GLIPR1: variants seen among roughly 807,000 people sequenced by gnomAD.
GLIPR1 encodes the protein glioma pathogenesis-related protein 1.
In GLIPR1, 38 loss-of-function variants were observed where a neutral mutation model predicts 30.3. That is an observed-to-expected ratio of 1.26 (90% CI 0.97 to 1.65). GLIPR1 has a LOEUF of 1.65. Ranked by LOEUF, GLIPR1 falls within the 40% of genes most tolerant of loss-of-function variation. The pLI is 0.00. For synonymous variants in GLIPR1, 122 were observed against 110.6 expected (o/e 1.10, Z -0.65); for missense variants, 285 against 326.5 (o/e 0.87, Z 0.98).
rs1232573452 is a variant in GLIPR1, at chr12:75,502,931, GATC to G, written c.*3959_*3961del. The stretch of plus-strand genomic sequence containing the variant: ...AAAACTTCCATTGTTTTTTCACTAT[GATC>G]ATCATTTTCCCCGTCAATCACAAAT... On this transcript the variant is annotated 3_prime_UTR_variant, in exon 6 of 6. Transcript: ENST00000266659. The G allele has an allele frequency of 6.6e-6, 1 of 151,914 alleles. No individual in the cohort carries two copies. Among genetic ancestry groups the G allele is most frequent in the African/African-American group, 2.4e-5 (1 of 41,374 alleles). The allele number at this position is 151,914 out of a possible 1,614,324, so 9.4% of individuals were successfully genotyped here.
At chr12:75,494,505 A>G (rs930015710) in intron 3 of GLIPR1, 8 of 152,204 alleles carry the variant, frequency 5.3e-5, no homozygotes, top group African/African-American at 1.9e-4. Flanking sequence ...AGATCTTAAT[A>G]GAGAAGCACA....
intron 3 of GLIPR1, chr12:75,495,268 A>G (rs2046343617): frequency 4.4e-6 from 1 of 225,240 alleles, no homozygotes; most frequent in East Asian, 9.6e-5. Context: ...TGAAGTGTAT[A>G]AATTGTGATT....
intron 4 of GLIPR1, chr12:75,497,678 G>A (rs2046359555): frequency 6.6e-6 from 1 of 152,112 alleles, no homozygotes; most frequent in Non-Finnish European, 1.5e-5. Context: ...TTCCTTCTCA[G>A]ACAAATTATG....
In GLIPR1 at chr12:75,496,008, TG is replaced by T. The variant is rs1455873473; in HGVS notation, c.619+347del. 5.9e-3 allele frequency: 457 copies of T among 77,740 alleles called. 9 individuals are homozygous for T. Among genetic ancestry groups the T allele is most frequent in the African/African-American group, 0.012 (317 of 25,374 alleles). The allele number at this position is 77,740 out of a possible 1,614,324, so 4.8% of individuals were successfully genotyped here. A position where few individuals can be genotyped will look rare whatever the true frequency, so the allele number is the denominator to read the frequency against. ...AGAATTCTGTTTTCGTTTTTTTTTT[TG>T]TTTTTTTTTTTTGAGACAGAGTCTT... On this transcript the variant is annotated intron_variant, in intron 4 of 5. Coordinates refer to ENST00000266659, the MANE Select transcript of GLIPR1 (RefSeq NM_006851.3).
At position 75,499,719 on chromosome 12, in the gene GLIPR1, G is replaced by T; in HGVS notation, c.*741G>T. 3.3e-6 allele frequency: 3 copies of T among 912,914 alleles called. No homozygotes were observed. The highest frequency in any genetic ancestry group is 3.1e-6 in the Non-Finnish European group (2 of 643,100). 56.6% of individuals were successfully genotyped at this position (912,914 alleles called of 1,614,324 possible). A position where few individuals can be genotyped will look rare whatever the true frequency, so the allele number is the denominator to read the frequency against. On this transcript the variant is annotated 3_prime_UTR_variant, in exon 6 of 6. Coordinates refer to ENST00000266659, the MANE Select transcript of GLIPR1 (RefSeq NM_006851.3). The stretch of plus-strand genomic sequence containing the variant: ...CCACCAAAAAAAAAAAAAGCCCTCA[G>T]AAAATTTCTCACAAATAAGGCAACT...
intron 4 of GLIPR1, 191 bp downstream of exon 4, chr12:75,495,853 C>A: frequency 4.9e-6 from 2 of 411,492 alleles, no homozygotes. Flanking sequence ...AAATCACGTT[C>A]TTTTTATTTA....
chr12:75,490,555 C>CT (rs2046316594), intron 3 of GLIPR1, 37 bp downstream of exon 3: 1 of 134,546 alleles, frequency 7.4e-6, no homozygotes, highest in East Asian at 2.2e-4. Flanking sequence ...AGGAAACGCC[C>CT]CCCCCCCCCC....
intron 3 of GLIPR1, chr12:75,491,503 C>T (rs953666470): frequency 6.6e-6 from 1 of 152,186 alleles, no homozygotes; most frequent in African/African-American, 2.4e-5. Context: ...ACTTCTATTT[C>T]CCTATAATTC....
At position 75,499,890 on chromosome 12, in the gene GLIPR1, A is replaced by ATTCTT. The variant is rs756063565; in HGVS notation, c.*914_*918dup. The ATTCTT allele has an allele frequency of 6.2e-7, 1 of 1,609,640 alleles. No individual in the cohort carries two copies. Among genetic ancestry groups the ATTCTT allele is most frequent in the African/African-American group, 1.3e-5 (1 of 74,750 alleles). ...CAGCTGTAAGAGCTCCCAGTTTCTT[A>ATTCTT]TTCTTTGCTTTCTTAACCTTTTCCT... On this transcript the variant is annotated 3_prime_UTR_variant, in exon 6 of 6. Coordinates refer to ENST00000266659, the MANE Select transcript of GLIPR1 (RefSeq NM_006851.3).
chr12:75,487,595 T>C (rs1356249236), intron 2 of GLIPR1: 1 of 341,982 alleles, frequency 2.9e-6, no homozygotes, highest in African/African-American at 2.1e-5. Context: ...CCCTCTCCAG[T>C]TGCCAAACCA....
Position 75,502,188 on chromosome 12 carries a change from A to G in GLIPR1, c.*3210A>G, listed in dbSNP as rs1420342007. On this transcript the variant is annotated 3_prime_UTR_variant, in exon 6 of 6. Coordinates refer to ENST00000266659, the MANE Select transcript of GLIPR1 (RefSeq NM_006851.3). The stretch of plus-strand genomic sequence containing the variant: ...ACATACACAAAAGTGTGGAGGTAGG[A>G]AAGCACCTCCATGGAATACAACCCA... 3.6e-6 allele frequency: 2 copies of G among 551,770 alleles called. No individual in the cohort carries two copies. Among genetic ancestry groups the G allele is most frequent in the Non-Finnish European group, 6.4e-6 (2 of 311,066 alleles). The allele number at this position is 551,770 out of a possible 1,614,324, so 34.2% of individuals were successfully genotyped here.
rs773399332 is a variant in GLIPR1 at position 75,490,499 on chromosome 12, A to G, written c.514A>G (p.Ile172Val). 4.4e-6 allele frequency: 6 copies of G among 1,369,130 alleles called. No homozygotes were observed. In the South Asian group the frequency reaches 4.6e-5, roughly 10 times the overall value. The allele number at this position is 1,369,130 out of a possible 1,614,324, so 84.8% of individuals were successfully genotyped here. ...FDALSNGAHF[I>V]CNYGPGGNYP... is the part of the protein sequence containing the mutation. ...CGCTCTTTCCAATGGAGCACATTTT[A>G]TATGCAACTACGGACCAGGGTAAGT... The change falls in exon 3 of 6, where the codon ATA becomes GTA. Residue 172 changes from isoleucine to valine, a missense_variant. Ile to Val is a conservative substitution (Grantham distance 29, BLOSUM62 3). Coordinates refer to ENST00000266659, the MANE Select transcript of GLIPR1 (RefSeq NM_006851.3).
At chr12:75,483,300 T>C (rs750171200) in intron 2 of GLIPR1, among the ~76,000 whole-genome samples, 26 of 152,210 alleles carry the variant, frequency 1.7e-4, no homozygotes, top group Non-Finnish European at 3.1e-4. Flanking sequence ...TGTACTGTTA[T>C]GCATTGCGGT....
At chr12:75,492,002 A>G (rs1266145385) in intron 3 of GLIPR1, 3 of 152,086 alleles carry the variant, frequency 2.0e-5, no homozygotes, top group Non-Finnish European at 4.4e-5. Context: ...GACAGCTTTG[A>G]CTTAATATCT....
chr12:75,482,361 A>G (rs756888087), intron 2 of GLIPR1, among the ~76,000 whole-genome samples: 1 of 152,218 alleles, frequency 6.6e-6, no homozygotes, highest in Non-Finnish European at 1.5e-5. Context: ...TGAGAAATCA[A>G]AGAACCTTAT....
intron 2 of GLIPR1, among the ~76,000 whole-genome samples, chr12:75,486,042 G>T (rs887825680): frequency 2.0e-5 from 3 of 152,140 alleles, no homozygotes; most frequent in Non-Finnish European, 2.9e-5. Flanking sequence ...ATAAAGAGTG[G>T]TTCCTGGTTC....
chr12:75,499,613 T>G lies in GLIPR1; in HGVS notation c.*635T>G, dbSNP rs2046376366. 3.0e-6 allele frequency: 1 copy of G among 334,426 alleles called. No individual in the cohort carries two copies. Among genetic ancestry groups the G allele is most frequent in the Non-Finnish European group, 5.3e-6 (1 of 189,986 alleles). The allele number at this position is 334,426 out of a possible 1,614,324, so 20.7% of individuals were successfully genotyped here. A position where few individuals can be genotyped will look rare whatever the true frequency, so the allele number is the denominator to read the frequency against. ...GTCGTAATGTATACAAAGACTTATA[T>G]ACCACTTTCTCGTATAAATTTTTCA... On this transcript the variant is annotated 3_prime_UTR_variant, in exon 6 of 6. Coordinates refer to ENST00000266659, the MANE Select transcript of GLIPR1 (RefSeq NM_006851.3).
At chr12:75,497,911 GAAC>G (rs1208161579) in intron 4 of GLIPR1, 2 of 151,918 alleles carry the variant, frequency 1.3e-5, no homozygotes, top group African/African-American at 4.8e-5. Context: ...AAAATAACTA[GAAC>G]ATCACACTCT....
chr12:75,490,304 C>A, intron 2 of GLIPR1, 102 bp from the exon 3 acceptor site: 1 of 671,002 alleles, frequency 1.5e-6, no homozygotes, highest in South Asian at 1.8e-5. Context: ...GTTTTAAGCA[C>A]TCTAACTAGA....
Sources: allele counts gnomAD v4.1 joint callset (sites outside exome capture counted in the v4.1 genomes callset), GRCh38; gene constraint gnomAD v4.1.1; transcripts MANE v1.5; gene names NCBI Gene and HGNC (gene_info 2026-07-23, HGNC 2026-07-21).